Variants in NDUFS7 observed in about 807,000 individuals in gnomAD.
The protein encoded by NDUFS7 is NADH dehydrogenase [ubiquinone] iron-sulfur protein 7, mitochondrial.
NDUFS7 carries 11 observed loss-of-function variants against 31.1 expected under a neutral mutation model. The observed-to-expected ratio is 0.35, with a 90% CI of 0.22 to 0.59. The LOEUF is 0.59. Among genes scored for constraint, NDUFS7 ranks in the 20% least tolerant of loss-of-function variants. The pLI is 0.79. For synonymous variants in NDUFS7, 136 were observed against 127.9 expected (o/e 1.06, Z -0.43); for missense variants, 263 against 324.2 (o/e 0.81, Z 1.45).
chr19:1,389,428 C>T lies in NDUFS7; in HGVS notation c.228+490C>T, dbSNP rs376039528. On this transcript the variant is annotated intron_variant, in intron 4 of 7. Transcript: ENST00000233627. ...ACTGATGCACACACACCCCTGCGGC[C>T]GTGGAGCAGGGCGGACCCTCCCGGA... 75 of 458,428 alleles carry T rather than the reference C, an allele frequency of 1.6e-4. No homozygotes were observed. In the East Asian group the frequency reaches 2.9e-3, roughly 18 times the overall value. The allele number at this position is 458,428 out of a possible 1,614,324, so 28.4% of individuals were successfully genotyped here.
chr19:1,389,320 T>TGCACAC (rs1472247339), intron 4 of NDUFS7: 1 of 460,756 alleles, frequency 2.2e-6, no homozygotes, highest in Non-Finnish European at 4.3e-6. Flanking sequence ...TGCACACACA[T>TGCACAC]GCACACTCAC....
In NDUFS7 at chr19:1,391,005, C is replaced by A. The variant is rs755272354; in HGVS notation, c.363C>A (p.Ile121=). 2 of 1,613,178 alleles carry A rather than the reference C, an allele frequency of 1.2e-6. No individual in the cohort carries two copies. Among genetic ancestry groups the A allele is most frequent in the East Asian group, 2.2e-5 (1 of 44,882 alleles). ...GCCCGCGCCAGTCCGACGTCATGAT[C>A]GTGGCCGGCACACTCACCAACAAGA... ...RASPRQSDVM[I]VAGTLTNKMA... Residue 121 remains isoleucine (I), a synonymous_variant, in exon 5 of 8, where the codon ATC becomes ATA. Transcript: ENST00000233627.
rs535652217 is a variant in NDUFS7 at position 1,383,949 on chromosome 19, G to A, written c.16+7G>A. The A allele has an allele frequency of 9.6e-6, 15 of 1,568,796 alleles. No homozygotes were observed. The African/African-American group carries it at 1.9e-4, about 20-fold the overall frequency. ...AAGATGGCGGTGCTGTCAGGTGAGC[G>A]CGGCACCGGCGGCGGGTGTGGGGCC... On this transcript the variant is annotated splice_region_variant and intron_variant, in intron 1 of 7. Transcript: ENST00000233627.
rs755110912 is a variant in NDUFS7 at position 1,388,769 on chromosome 19, G to T, written c.123-64G>T. The stretch of plus-strand genomic sequence containing the variant: ...CCTCTGGCAGCGGCCGTGGGGGCTC[G>T]CATCCGCCTCTGGGAAGCACCTGCG... On this transcript the variant is annotated intron_variant, in intron 3 of 7. Transcript: ENST00000233627. 8 of 1,514,812 alleles carry T rather than the reference G, an allele frequency of 5.3e-6. No homozygotes were observed. In the East Asian group the frequency reaches 1.5e-4, roughly 28 times the overall value. The allele number at this position is 1,514,812 out of a possible 1,614,324, so 93.8% of individuals were successfully genotyped here.
At chr19:1,395,214 G>A (rs2082588146) in intron 7 of NDUFS7, 177 bp from the exon 8 acceptor site, 2 of 1,429,574 alleles carry the variant, frequency 1.4e-6, no homozygotes, top group Non-Finnish European at 1.8e-6. Context: ...CACTCTTCCT[G>A]CAGGGACCTC....
rs375919712 is a variant in NDUFS7, at chr19:1,395,534, C to A, written c.*46C>A. ...GAGCCTGTCGCCGTCCTGTCCCCAGCCTGCTTGTGTCCCGTGAGGTTGTCA... is the reference window on the plus strand; with the variant it reads ...GAGCCTGTCGCCGTCCTGTCCCCAGACTGCTTGTGTCCCGTGAGGTTGTCA... On this transcript the variant is annotated 3_prime_UTR_variant, in exon 8 of 8. Transcript: ENST00000233627. The A allele has an allele frequency of 7.1e-6, 11 of 1,547,754 alleles. No individual in the cohort carries two copies. Among genetic ancestry groups the A allele is most frequent in the African/African-American group, 6.8e-5 (5 of 73,238 alleles).
At chr19:1,389,438 G>C (rs1201859732) in intron 4 of NDUFS7, 1 of 458,118 alleles carries the variant, frequency 2.2e-6, no homozygotes, top group Admixed American at 2.3e-5. Context: ...CGTGGAGCAG[G>C]GCGGACCCTC....
In NDUFS7 at chr19:1,390,997, G is replaced by C. The variant is rs766542750; in HGVS notation, c.355G>C (p.Val119Leu). 1 of 1,612,506 alleles carries C rather than the reference G, an allele frequency of 6.2e-7. No individual in the cohort carries two copies. Among genetic ancestry groups the C allele is most frequent in the Non-Finnish European group, 8.5e-7 (1 of 1,179,538 alleles). Reference protein sequence around the residue: ...VFRASPRQSDVMIVAGTLTNK... With the variant: ...VFRASPRQSDLMIVAGTLTNK... ...CCGCGCCAGCCCGCGCCAGTCCGAC[G>C]TCATGATCGTGGCCGGCACACTCAC... The change falls in exon 5 of 8, where the codon GTC (valine) becomes CTC (leucine). Residue 119 changes from valine (V) to leucine (L), a missense_variant. Coordinates refer to ENST00000233627, the MANE Select transcript of NDUFS7 (RefSeq NM_024407.5).
intron 2 of NDUFS7, 200 bp downstream of exon 2, chr19:1,388,047 C>G (rs976573868): frequency 1.5e-6 from 1 of 660,494 alleles, no homozygotes; most frequent in Non-Finnish European, 2.7e-6. Context: ...GTGGCAAAGG[C>G]TGGACAGTCA....
Position 1,393,215 on chromosome 19 carries a change from A to G in NDUFS7, c.456-27A>G, listed in dbSNP as rs1291374848. 1.9e-6 allele frequency: 3 copies of G among 1,541,474 alleles called. No individual in the cohort carries two copies. Among genetic ancestry groups the G allele is most frequent in the East Asian group, 2.4e-5 (1 of 40,926 alleles). On this transcript the variant is annotated intron_variant, in intron 6 of 7. Coordinates refer to ENST00000233627, the MANE Select transcript of NDUFS7 (RefSeq NM_024407.5). The surrounding 1 kb of genome is among the most constrained non-coding windows in gnomAD (Gnocchi z 7.3). ...GGGTGGGCAGGCGGGTCTTCGGCAC[A>G]CTCCCCTCACGGTGCCTCCCCAACA...
At position 1,393,473 on chromosome 19, in the gene NDUFS7, T is replaced by C; in HGVS notation, c.544+143T>C. 1.4e-6 allele frequency: 1 copy of C among 719,356 alleles called. No individual in the cohort carries two copies. Among genetic ancestry groups the C allele is most frequent in the South Asian group, 1.5e-5 (1 of 67,792 alleles). The allele number at this position is 719,356 out of a possible 1,614,324, so 44.6% of individuals were successfully genotyped here. ...CTATGGATGGGCCGACTCGGAGCGC[T>C]GCCTCTTAGTGGAGCCTGTCCCCTG... is the stretch of plus-strand genomic sequence containing the variant. On this transcript the variant is annotated intron_variant, in intron 7 of 7. Transcript: ENST00000233627. This position sits in a 1 kb window ranked among gnomAD's most constrained non-coding sequence, Gnocchi z 7.3.
At chr19:1,395,370 A>C (rs371778974) in intron 7 of NDUFS7, 21 bp from the exon 8 acceptor site, 122 of 1,593,986 alleles carry the variant, frequency 7.7e-5, no homozygotes, top group Non-Finnish European at 1.0e-4. Context: ...GGGAAGCGAG[A>C]CTGAGGCAAG....
chr19:1,384,678 G>C (rs777211043), intron 1 of NDUFS7, among the ~76,000 whole-genome samples: 3 of 152,204 alleles, frequency 2.0e-5, no homozygotes, highest in Middle Eastern at 3.2e-3. Context: ...AAGGAGTGAG[G>C]AGTGGAAATG....
intron 1 of NDUFS7, among the ~76,000 whole-genome samples, chr19:1,386,040 T>TCA (rs1356383989): frequency 3.9e-5 from 6 of 152,082 alleles, no homozygotes; most frequent in Admixed American, 3.9e-4. Context: ...AAGAAGTAGG[T>TCA]CACAGGCTTG....
chr19:1,391,636 A>C (rs191847729), intron 6 of NDUFS7, among the ~76,000 whole-genome samples: 3,327 of 145,014 alleles, frequency 0.023, 130 homozygotes, highest in African/African-American at 0.081. Flanking sequence ...ACAGGCATGC[A>C]CCACCACACC....
intron 7 of NDUFS7, chr19:1,395,013 C>T: frequency 8.7e-7 from 1 of 1,145,304 alleles, no homozygotes; most frequent in South Asian, 2.1e-5. Flanking sequence ...GCCTCCATCT[C>T]CGTCCAGGGC....
intron 4 of NDUFS7, chr19:1,389,550 C>T (rs746155263): frequency 5.9e-5 from 27 of 456,168 alleles, no homozygotes; most frequent in South Asian, 2.8e-4. Flanking sequence ...TTCTGGCGTC[C>T]GTGTGTTCCT....
At chr19:1,390,763 T>A in intron 4 of NDUFS7, 108 bp from the exon 5 acceptor site, 1 of 1,350,994 alleles carries the variant, frequency 7.4e-7, no homozygotes, top group Non-Finnish European at 1.0e-6. Flanking sequence ...CTCTGCCGGC[T>A]GCCGCCCCGG....
Position 1,392,868 on chromosome 19 carries a change from G to A in NDUFS7, c.456-374G>A, listed in dbSNP as rs543006984. Reference sequence around the variant, plus strand: ...ACCCCAGCGCCTCACTGACAGAGCCGGAATCAGGCGAGGGTGAGGCTCAGC... The same window carrying A: ...ACCCCAGCGCCTCACTGACAGAGCCAGAATCAGGCGAGGGTGAGGCTCAGC... On this transcript the variant is annotated intron_variant, in intron 6 of 7. Transcript: ENST00000233627. 8.5e-5 allele frequency: 28 copies of A among 331,296 alleles called. 2 individuals carry two copies. Among genetic ancestry groups the A allele is most frequent in the South Asian group, 2.8e-4 (10 of 35,280 alleles). 20.5% of individuals were successfully genotyped at this position (331,296 alleles called of 1,614,324 possible).
Sources: allele counts gnomAD v4.1 joint callset (sites outside exome capture counted in the v4.1 genomes callset), GRCh38; gene constraint gnomAD v4.1.1; non-coding constraint Gnocchi (gnomAD v3.1); transcripts MANE v1.5; gene names NCBI Gene and HGNC (gene_info 2026-07-23, HGNC 2026-07-21).